KCNK6: variants seen among roughly 807,000 people sequenced by gnomAD.
KCNK6 encodes potassium two pore domain channel subfamily K member 6.
KCNK6 carries 20 observed loss-of-function variants against 21.9 expected under a neutral mutation model. The observed-to-expected ratio is 0.91, with a 90% CI of 0.64 to 1.32. The LOEUF (loss-of-function observed/expected upper bound fraction) is 1.32. KCNK6 is among the 40% of genes most tolerant of loss of function. The probability of loss-of-function intolerance (pLI) is 0.00; values close to 1 mark genes in which losing one functional copy is unlikely to be tolerated. For synonymous variants in KCNK6, 210 were observed against 218.0 expected, an observed-to-expected ratio of 0.96 and a Z score of 0.32; for missense variants, 415 against 433.1, an observed-to-expected ratio of 0.96 and a Z score of 0.37.
rs773187603 is a variant in KCNK6 at position 38,326,749 on chromosome 19, G to T, written c.479G>T (p.Arg160Leu). The change falls in exon 2 of 3, where the codon CGT (arginine) becomes CTT (leucine). Residue 160 changes from arginine (R) to leucine (L), a missense_variant. Transcript: ENST00000263372. ...GTGCCCCTGTCTTGGCTGAGCATGCGTTGGGGCTGGGACCCCCGGCGGGCG... is the reference window on the plus strand; with the variant it reads ...GTGCCCCTGTCTTGGCTGAGCATGCTTTGGGGCTGGGACCCCCGGCGGGCG... ...THVPLSWLSM[R>L]WGWDPRRAAC... The T allele has an allele frequency of 2.5e-6, 4 of 1,604,466 alleles. No homozygotes were observed. Among genetic ancestry groups the T allele is most frequent in the African/African-American group, 1.3e-5 (1 of 75,050 alleles).
Position 38,320,039 on chromosome 19 carries a change from G to A in KCNK6, c.89G>A (p.Gly30Glu), listed in dbSNP as rs1379730207. The A allele has an allele frequency of 1.3e-6, 2 of 1,501,634 alleles. No individual in the cohort carries two copies. The highest frequency in any genetic ancestry group is 1.5e-5 in the African/African-American group (1 of 68,868). 93.0% of individuals were successfully genotyped at this position (1,501,634 alleles called of 1,614,324 possible). The change falls in exon 1 of 3, where the codon GGG becomes GAG. Residue 30 changes from glycine (G) to glutamate (E), a missense_variant. Physicochemically the swap from Gly to Glu is moderately conservative, Grantham distance 98. Coordinates refer to ENST00000263372, the MANE Select transcript of KCNK6 (RefSeq NM_004823.3). ...GCGCTGTTGGTGGCGCGGCTGGAGG[G>A]GCCGCACGAAGCCAGGCTCCGAGCC... ...LGALLVARLE[G>E]PHEARLRAEL...
At position 38,327,280 on chromosome 19, in the gene KCNK6, TC is replaced by T; in HGVS notation, c.821del (p.Pro274ArgfsTer56). On this transcript the variant is annotated frameshift_variant, in exon 3 of 3. Transcript: ENST00000263372. LOFTEE classifies it high-confidence loss of function. ...TCACGGAGCTCATCCTGCTGCCCCCTCCGTGCCCTGCCAGTTTCAATGCGGA... is the reference window on the plus strand; with the variant it reads ...TCACGGAGCTCATCCTGCTGCCCCCTCGTGCCCTGCCAGTTTCAATGCGGA... ...GLTELILLPPPCPASFNADED... is the reference protein window; with the variant it reads ...GLTELILLPPXCPASFNADED... 1 of 1,613,704 alleles carries T rather than the reference TC, an allele frequency of 6.2e-7. No individual in the cohort carries two copies. The highest frequency in any genetic ancestry group is 8.5e-7 in the Non-Finnish European group (1 of 1,180,028).
At position 38,329,006 on chromosome 19, in the gene KCNK6, A is replaced by C. The variant is rs1012980404; in HGVS notation, c.*1603A>C. The C allele has an allele frequency of 6.8e-6, 1 of 147,002 alleles. No homozygotes were observed. Among genetic ancestry groups the C allele is most frequent in the Non-Finnish European group, 1.5e-5 (1 of 66,638 alleles). The allele number at this position is 147,002 out of a possible 1,614,324, so 9.1% of individuals were successfully genotyped here. A position where few individuals can be genotyped will look rare whatever the true frequency, so the allele number is the denominator to read the frequency against. On this transcript the variant is annotated 3_prime_UTR_variant, in exon 3 of 3. Transcript: ENST00000263372. ...AAAGAAAAAGAAAGAAAAGTAAGAAAGAAAAAAAGAAAAAGAAAGAAAGTA... is the reference window on the plus strand; with the variant it reads ...AAAGAAAAAGAAAGAAAAGTAAGAACGAAAAAAAGAAAAAGAAAGAAAGTA...
rs1655570349 is a variant in KCNK6, at chr19:38,331,004, A to C, written c.*3601A>C. On this transcript the variant is annotated 3_prime_UTR_variant, in exon 3 of 3. Transcript: ENST00000263372. ...ACTGTTTCTCCTTCCAAATACCTCC[A>C]GGAAGAAAAGCAAGTCCTTTTTGGT... The C allele has an allele frequency of 1.3e-5, 2 of 152,196 alleles. No individual in the cohort carries two copies. Among genetic ancestry groups the C allele is most frequent in the African/African-American group, 2.4e-5 (1 of 41,436 alleles). The allele number at this position is 152,196 out of a possible 1,614,324, so 9.4% of individuals were successfully genotyped here.
intron 1 of KCNK6, 128 bp from the exon 2 acceptor site, chr19:38,326,465 C>A: frequency 1.9e-6 from 2 of 1,068,756 alleles, no homozygotes; most frequent in Non-Finnish European, 2.7e-6. Flanking sequence ...GTGGTAGGAT[C>A]ACTTAGGTCC....
At chr19:38,325,540 C>A in intron 1 of KCNK6, 1 of 985,302 alleles carries the variant, frequency 1.0e-6, no homozygotes, top group Non-Finnish European at 1.2e-6. Context: ...ACACGCAGAA[C>A]CTCCTGCTTT....
rs1425296600 is a variant in KCNK6, at chr19:38,328,893, A to AAAGAAAGG, written c.*1491_*1498dup. The AAAGAAAGG allele has an allele frequency of 1.3e-5, 2 of 151,694 alleles. No homozygotes were observed. Among genetic ancestry groups the AAAGAAAGG allele is most frequent in the African/African-American group, 4.8e-5 (2 of 41,254 alleles). 9.4% of individuals were successfully genotyped at this position (151,694 alleles called of 1,614,324 possible). A position where few individuals can be genotyped will look rare whatever the true frequency, so the allele number is the denominator to read the frequency against. On this transcript the variant is annotated 3_prime_UTR_variant, in exon 3 of 3. Transcript: ENST00000263372. The stretch of plus-strand genomic sequence containing the variant: ...AAGAAAGAGAGAGAAAGAAAGAAAG[A>AAAGAAAGG]AAGAAAGGGAAAGATGGAAGGAAGG...
At position 38,326,700 on chromosome 19, in the gene KCNK6, C is replaced by A. The variant is rs540398465; in HGVS notation, c.430C>A (p.Arg144Ser). 1.9e-6 allele frequency: 3 copies of A among 1,605,692 alleles called. No homozygotes were observed. The highest frequency in any genetic ancestry group is 1.6e-4 in the Middle Eastern group (1 of 6,062). ...GCTGCTGCTGACCGCCTCAGCCCAG[C>A]GCCTGTCACTGCTGCTGACTCACGT... ...TMLLLTASAQ[R>S]LSLLLTHVPL... is the part of the protein sequence containing the mutation. Residue 144 changes from arginine to serine, a missense_variant, in exon 2 of 3, where the codon CGC (arginine) becomes AGC (serine). Physicochemically the swap from Arg to Ser is moderately radical, Grantham distance 110. Coordinates refer to ENST00000263372, the MANE Select transcript of KCNK6 (RefSeq NM_004823.3).
In KCNK6 at chr19:38,327,736, C is replaced by T. The variant is rs568626349; in HGVS notation, c.*333C>T. On this transcript the variant is annotated 3_prime_UTR_variant, in exon 3 of 3. Coordinates refer to ENST00000263372, the MANE Select transcript of KCNK6 (RefSeq NM_004823.3). Reference sequence around the variant, plus strand: ...CTGTTTCTCATTCTCTTTCATGTTCCGTCTGTGTCTCTCAATTAACCACTC... The same window carrying T: ...CTGTTTCTCATTCTCTTTCATGTTCTGTCTGTGTCTCTCAATTAACCACTC... 8.5e-5 allele frequency: 30 copies of T among 352,070 alleles called. No individual in the cohort carries two copies. In the South Asian group the frequency reaches 8.9e-4, roughly 10 times the overall value. The allele number at this position is 352,070 out of a possible 1,614,324, so 21.8% of individuals were successfully genotyped here.
At chr19:38,320,375 C>A (rs1969637183) in intron 1 of KCNK6, 103 bp downstream of exon 1, 2 of 1,226,644 alleles carry the variant, frequency 1.6e-6, no homozygotes, top group South Asian at 1.4e-5. Context: ...TATCCCAATC[C>A]CCTCTGGGCT....
chr19:38,322,836 G>T (rs1969666220), intron 1 of KCNK6, among the ~76,000 whole-genome samples: 1 of 151,348 alleles, frequency 6.6e-6, no homozygotes, highest in South Asian at 2.1e-4. Flanking sequence ...AAACAGGCCG[G>T]GCAAGTTGGC....
chr19:38,325,224 C>T (rs1187977174), intron 1 of KCNK6: 2 of 164,440 alleles, frequency 1.2e-5, no homozygotes, highest in African/African-American at 4.8e-5. Flanking sequence ...TCAAGTGATT[C>T]TTCTGCCTCA....
chr19:38,329,652 G>A lies in KCNK6; in HGVS notation c.*2249G>A, dbSNP rs1201495743. On this transcript the variant is annotated 3_prime_UTR_variant, in exon 3 of 3. Coordinates refer to ENST00000263372, the MANE Select transcript of KCNK6 (RefSeq NM_004823.3). ...AGCATGGGAACCTGGTCTCTTTCCT[G>A]AGGGCCCTAGAGAGCCATGGAAGGG... 2 of 152,196 alleles carry A rather than the reference G, an allele frequency of 1.3e-5. No homozygotes were observed. The highest frequency in any genetic ancestry group is 4.8e-5 in the African/African-American group (2 of 41,450). 9.4% of individuals were successfully genotyped at this position (152,196 alleles called of 1,614,324 possible).
At chr19:38,320,553 T>TC (rs1969639914) in intron 1 of KCNK6, among the ~76,000 whole-genome samples, 1 of 151,760 alleles carries the variant, frequency 6.6e-6, no homozygotes, top group Admixed American at 6.6e-5. Flanking sequence ...GGTCTTTTTT[T>TC]TTTTTCTTTT....
chr19:38,320,546 CTT>C, intron 1 of KCNK6, among the ~76,000 whole-genome samples: 1 of 145,774 alleles, frequency 6.9e-6, no homozygotes, highest in Admixed American at 6.8e-5. Flanking sequence ...GTTCCTCGGT[CTT>C]TTTTTTTTTT....
intron 1 of KCNK6, among the ~76,000 whole-genome samples, chr19:38,324,885 C>A (rs1229895287): frequency 2.0e-5 from 3 of 152,206 alleles, no homozygotes; most frequent in South Asian, 2.1e-4. Context: ...AACCACCATG[C>A]CTGGCTGGGA....
chr19:38,321,568 T>TC (rs1199346725), intron 1 of KCNK6, among the ~76,000 whole-genome samples: 5 of 152,196 alleles, frequency 3.3e-5, no homozygotes, highest in Admixed American at 6.5e-5. Context: ...GCTCTGCTGC[T>TC]CCCCCAGCCC....
intron 1 of KCNK6, among the ~76,000 whole-genome samples, chr19:38,321,808 G>C (rs1351603524): frequency 6.6e-6 from 1 of 152,212 alleles, no homozygotes; most frequent in Non-Finnish European, 1.5e-5. Flanking sequence ...GCTTCCCTGG[G>C]TCATGTGCAC....
chr19:38,321,418 A>T (rs529190102), intron 1 of KCNK6, among the ~76,000 whole-genome samples: 3 of 152,216 alleles, frequency 2.0e-5, no homozygotes, highest in African/African-American at 7.2e-5. Flanking sequence ...CCCAATAGGG[A>T]CACCACCTGT....
Sources: allele counts gnomAD v4.1 joint callset (sites outside exome capture counted in the v4.1 genomes callset), GRCh38; gene constraint gnomAD v4.1.1; transcripts MANE v1.5; gene names NCBI Gene and HGNC (gene_info 2026-07-23, HGNC 2026-07-21).